STXBP5L: variants seen among roughly 807,000 people sequenced by gnomAD.
STXBP5L encodes the protein syntaxin-binding protein 5-like.
Under a neutral mutation model 144.5 loss-of-function variants are expected in STXBP5L, and 65 were observed. That is an observed-to-expected ratio of 0.45 (90% confidence interval 0.37 to 0.55). The LOEUF (loss-of-function observed/expected upper bound fraction) is 0.55. Among genes scored for constraint, STXBP5L ranks in the 20% least tolerant of loss-of-function variants. The probability of loss-of-function intolerance (pLI) is 0.00; values close to 1 mark genes in which losing one functional copy is unlikely to be tolerated. For missense variants in STXBP5L, 1,298 were observed against 1,405.5 expected, an observed-to-expected ratio of 0.92 and a Z score of 1.22; for synonymous variants, 505 against 469.6, an observed-to-expected ratio of 1.08 and a Z score of -0.97.
At chr3:120,964,321 G>C (rs1175384634) in intron 3 of STXBP5L, among the ~76,000 whole-genome samples, 2 of 152,078 alleles carry the variant, frequency 1.3e-5, no homozygotes, top group East Asian at 3.9e-4. Context: ...GCTAGCTTTT[G>C]AATTTGTTTG....
Position 120,958,885 on chromosome 3 carries a change from G to A in STXBP5L, c.287+3848G>A, listed in dbSNP as rs1254808812. 2.0e-5 allele frequency among the ~76,000 whole-genome samples: 3 copies of A among 152,162 alleles called. No individual in the cohort carries two copies. In the East Asian group the frequency reaches 5.8e-4, roughly 29 times the overall value. On this transcript the variant is annotated intron_variant, in intron 3 of 26. Transcript: ENST00000471454. Reference sequence around the variant, plus strand: ...TCTCTCACCACTCCTATTCAACATAGTGTTGGAAGTTCTGGCCAGGGCAAT... The same window carrying A: ...TCTCTCACCACTCCTATTCAACATAATGTTGGAAGTTCTGGCCAGGGCAAT...
At chr3:121,084,150 G>A (rs1017342274) in intron 5 of STXBP5L, among the ~76,000 whole-genome samples, 1 of 151,306 alleles carries the variant, frequency 6.6e-6, no homozygotes, top group Non-Finnish European at 1.5e-5. Context: ...CTTTTTCTAG[G>A]TTGTTGAGAC....
rs1577460881 is a variant in STXBP5L at position 121,324,590 on chromosome 3, A to G, written c.2176+6050A>G. ...ATCAAGTATATCACTTGCCAGGTGAAGATGAAAATCTCTTTATGAACAAAC... is the reference window on the plus strand; with the variant it reads ...ATCAAGTATATCACTTGCCAGGTGAGGATGAAAATCTCTTTATGAACAAAC... On this transcript the variant is annotated intron_variant, in intron 20 of 26. Coordinates refer to ENST00000471454, the MANE Select transcript of STXBP5L (RefSeq NM_001308330.2). 1.0e-5 allele frequency: 7 copies of G among 679,596 alleles called. No individual in the cohort carries two copies. The East Asian group carries it at 1.9e-4, about 18-fold the overall frequency. 42.1% of individuals were successfully genotyped at this position (679,596 alleles called of 1,614,324 possible).
chr3:121,361,031 C>A (rs970497975), intron 20 of STXBP5L, among the ~76,000 whole-genome samples: 11 of 152,038 alleles, frequency 7.2e-5, no homozygotes, highest in Non-Finnish European at 1.2e-4. Flanking sequence ...TTTATTAGTT[C>A]CGCATGTTTC....
intron 11 of STXBP5L, among the ~76,000 whole-genome samples, chr3:121,233,083 G>A (rs2049358462): frequency 1.3e-5 from 2 of 152,158 alleles, no homozygotes; most frequent in Non-Finnish European, 2.9e-5. Flanking sequence ...GCTTTGTTAT[G>A]TAAAAGTTGA....
At chr3:121,341,419 G>A (rs1363812752) in intron 20 of STXBP5L, among the ~76,000 whole-genome samples, 2 of 152,070 alleles carry the variant, frequency 1.3e-5, no homozygotes, top group Non-Finnish European at 2.9e-5. Context: ...CTGTTGGTGG[G>A]AATGTAAATT....
chr3:121,362,351 G>C (rs918627590), intron 20 of STXBP5L, among the ~76,000 whole-genome samples: 1 of 152,214 alleles, frequency 6.6e-6, no homozygotes, highest in African/African-American at 2.4e-5. Context: ...AAGCCAGCCA[G>C]GCTTGTGTCC....
At chr3:121,322,357 A>G (rs1212974740) in intron 20 of STXBP5L, among the ~76,000 whole-genome samples, 1 of 151,996 alleles carries the variant, frequency 6.6e-6, no homozygotes, top group East Asian at 1.9e-4. Flanking sequence ...GCATGCCTGC[A>G]ATCCCAGCTA....
At chr3:121,200,461 C>A (rs1213726973) in intron 9 of STXBP5L, among the ~76,000 whole-genome samples, 1 of 152,048 alleles carries the variant, frequency 6.6e-6, no homozygotes, top group Non-Finnish European at 1.5e-5. Flanking sequence ...TGAAGAGTTT[C>A]TCATGTCTCT....
chr3:121,002,532 G>A (rs577726055), intron 3 of STXBP5L, among the ~76,000 whole-genome samples: 1 of 152,202 alleles, frequency 6.6e-6, no homozygotes, highest in African/African-American at 2.4e-5. Context: ...CAGAAACTCA[G>A]TTTGATATAG....
intron 23 of STXBP5L, chr3:121,407,808 A>T (rs1481913403): frequency 3.0e-6 from 2 of 657,984 alleles, no homozygotes; most frequent in Admixed American, 3.4e-5. Context: ...TTCTGCTAAA[A>T]ATGCTTGGCA....
At chr3:120,997,754 G>A (rs1943464633) in intron 3 of STXBP5L, among the ~76,000 whole-genome samples, 1 of 151,952 alleles carries the variant, frequency 6.6e-6, no homozygotes, top group African/African-American at 2.4e-5. Flanking sequence ...ATAGTTTCCT[G>A]TGCTGTGTAG....
At chr3:121,065,683 C>A (rs1200984117) in intron 5 of STXBP5L, among the ~76,000 whole-genome samples, 10 of 152,166 alleles carry the variant, frequency 6.6e-5, no homozygotes, top group Admixed American at 6.5e-4. Flanking sequence ...TCTGGAATAT[C>A]TGGAACTACA....
At chr3:121,305,007 A>G (rs928324463) in intron 19 of STXBP5L, among the ~76,000 whole-genome samples, 1 of 152,114 alleles carries the variant, frequency 6.6e-6, no homozygotes, top group African/African-American at 2.4e-5. Flanking sequence ...ACTGAATTCT[A>G]CAGACATTAA....
intron 9 of STXBP5L, among the ~76,000 whole-genome samples, chr3:121,173,323 TATA>T (rs35583909): frequency 0.46 from 67,003 of 146,310 alleles, 15,677 homozygotes; most frequent in East Asian, 0.72. Flanking sequence ...GAACTTAAAA[TATA>T]ATAATAATAA....
intron 5 of STXBP5L, among the ~76,000 whole-genome samples, chr3:121,071,674 C>T (rs2041817290): frequency 6.6e-6 from 1 of 152,140 alleles, no homozygotes; most frequent in Admixed American, 6.5e-5. Flanking sequence ...ATTGTTTGAC[C>T]CAGAGTCTCC....
chr3:121,253,698 G>C (rs1370200762), intron 15 of STXBP5L, among the ~76,000 whole-genome samples: 1 of 149,756 alleles, frequency 6.7e-6, no homozygotes, highest in African/African-American at 2.5e-5. Flanking sequence ...GCGCAGTCTC[G>C]GCTCACTGCA....
intron 20 of STXBP5L, among the ~76,000 whole-genome samples, chr3:121,354,508 CT>C (rs145703750): frequency 0.036 from 2,407 of 67,340 alleles, 11 homozygotes; most frequent in Non-Finnish European, 0.045. Flanking sequence ...TGCAACCCTG[CT>C]TTTTTTTTTT....
At chr3:121,277,373 G>T (rs1321237349) in intron 18 of STXBP5L, among the ~76,000 whole-genome samples, 1 of 151,620 alleles carries the variant, frequency 6.6e-6, no homozygotes, top group African/African-American at 2.4e-5. Flanking sequence ...TATTAATTTT[G>T]GGAAAACACA....
Sources: gnomAD v4.1 joint callset for allele counts (sites outside exome capture counted in the v4.1 genomes callset) on GRCh38, gnomAD v4.1.1 for gene constraint, MANE v1.5 for transcripts, NCBI Gene and HGNC (gene_info 2026-07-23, HGNC 2026-07-21) for gene names.